Variants in SUPT3H observed in about 807,000 individuals in gnomAD.
The protein encoded by SUPT3H is transcription initiation protein SPT3 homolog.
In SUPT3H, 44 loss-of-function variants were observed where a neutral mutation model predicts 44.3. That is an observed-to-expected ratio of 0.99 (90% CI 0.78 to 1.28). The LOEUF is 1.28. Among genes scored for constraint, SUPT3H ranks in the 50% most tolerant of loss-of-function variants. The pLI, the probability that SUPT3H is intolerant of heterozygous loss-of-function variation, is 0.00. For missense variants in SUPT3H, 380 were observed against 387.1 expected, an observed-to-expected ratio of 0.98 and a Z score of 0.15; for synonymous variants, 124 against 125.6, an observed-to-expected ratio of 0.99 and a Z score of 0.09.
intron 10 of SUPT3H, among the ~76,000 whole-genome samples, chr6:44,841,796 T>A (rs1435602599): frequency 1.3e-5 from 2 of 152,240 alleles, no homozygotes; most frequent in African/African-American, 4.8e-5. Flanking sequence ...CTACTTTTGC[T>A]TATTCATTTG....
chr6:45,171,258 A>T (rs1583991728), intron 2 of SUPT3H, among the ~76,000 whole-genome samples: 3 of 152,326 alleles, frequency 2.0e-5, no homozygotes, highest in African/African-American at 7.2e-5. Context: ...TTATCAGAAG[A>T]TACATAAAAT....
chr6:45,372,078 C>G, intron 1 of SUPT3H: 1 of 934,524 alleles, frequency 1.1e-6, no homozygotes, highest in Non-Finnish European at 1.3e-6. Flanking sequence ...GTGTATGTCA[C>G]AGTGAACTGT....
At chr6:44,978,845 C>G (rs1466800566) in intron 6 of SUPT3H, among the ~76,000 whole-genome samples, 3 of 152,130 alleles carry the variant, frequency 2.0e-5, no homozygotes, top group Non-Finnish European at 4.4e-5. Flanking sequence ...GTTTCATGAC[C>G]AGATTGCCCA....
At chr6:45,361,575 C>T (rs534872375) in intron 2 of SUPT3H, 3 of 152,298 alleles carry the variant, frequency 2.0e-5, no homozygotes, top group Admixed American at 2.0e-4. Context: ...AATTTACAGG[C>T]TGCTTGAGTT....
intron 10 of SUPT3H, among the ~76,000 whole-genome samples, chr6:44,847,993 G>A (rs1162589803): frequency 8.6e-5 from 10 of 116,876 alleles, no homozygotes; most frequent in African/African-American, 3.3e-4. Context: ...TTGAGATGGA[G>A]TCTGGCTCTG....
intron 2 of SUPT3H, among the ~76,000 whole-genome samples, chr6:45,282,385 C>G (rs1047513148): frequency 6.6e-6 from 1 of 152,038 alleles, no homozygotes; most frequent in South Asian, 2.1e-4. Flanking sequence ...GCAGAGAAGT[C>G]CTTAAAGGAC....
At chr6:45,242,254 GA>G (rs1432640893) in intron 2 of SUPT3H, among the ~76,000 whole-genome samples, 1 of 152,148 alleles carries the variant, frequency 6.6e-6, no homozygotes, top group African/African-American at 2.4e-5. Context: ...ACAGAATAAG[GA>G]CAGGGATAGA....
At chr6:44,811,297 G>A (rs538384711) in intron 11 of SUPT3H, among the ~76,000 whole-genome samples, 1 of 152,300 alleles carries the variant, frequency 6.6e-6, no homozygotes, top group East Asian at 1.9e-4. Context: ...AGGGGTTATG[G>A]GTTATTGGGA....
At chr6:44,904,852 C>G (rs1381050878) in intron 10 of SUPT3H, among the ~76,000 whole-genome samples, 1 of 152,130 alleles carries the variant, frequency 6.6e-6, no homozygotes, top group Non-Finnish European at 1.5e-5. Context: ...ACAGAGCCCT[C>G]AGAAATAATG....
At chr6:45,203,967 C>A (rs1231898207) in intron 2 of SUPT3H, among the ~76,000 whole-genome samples, 1 of 152,054 alleles carries the variant, frequency 6.6e-6, no homozygotes, top group African/African-American at 2.4e-5. Flanking sequence ...AGAAGGGCCA[C>A]CCAAACACAG....
At chr6:45,288,086 A>G (rs575320614) in intron 2 of SUPT3H, among the ~76,000 whole-genome samples, 22 of 152,226 alleles carry the variant, frequency 1.4e-4, no homozygotes, top group Non-Finnish European at 2.2e-4. Flanking sequence ...AACTTACCTA[A>G]TACTATTTTC....
chr6:45,268,446 T>G (rs577028791), intron 2 of SUPT3H, among the ~76,000 whole-genome samples: 30 of 151,886 alleles, frequency 2.0e-4, no homozygotes, highest in African/African-American at 6.5e-4. Flanking sequence ...CAACAGAAAA[T>G]CCTTAAAATA....
intron 2 of SUPT3H, among the ~76,000 whole-genome samples, chr6:45,150,707 A>G (rs1806788908): frequency 7.1e-6 from 1 of 140,880 alleles, no homozygotes; most frequent in Non-Finnish European, 1.5e-5. Flanking sequence ...TCTACTTATA[A>G]TCTTTATTCT....
At chr6:44,920,710 G>A (rs1198235949) in intron 10 of SUPT3H, among the ~76,000 whole-genome samples, 1 of 152,114 alleles carries the variant, frequency 6.6e-6, no homozygotes. Flanking sequence ...AAATCATAAA[G>A]TCTGGGTAAA....
At chr6:44,991,583 G>A (rs1034318139) in intron 6 of SUPT3H, among the ~76,000 whole-genome samples, 12 of 151,716 alleles carry the variant, frequency 7.9e-5, no homozygotes, top group African/African-American at 2.2e-4. Context: ...ACAGTGACAC[G>A]ACCTCAGCTC....
intron 2 of SUPT3H, among the ~76,000 whole-genome samples, chr6:45,131,032 T>C (rs376730004): frequency 1.3e-5 from 2 of 152,032 alleles, no homozygotes; most frequent in East Asian, 1.9e-4. Flanking sequence ...CACTTTTAAG[T>C]AGCAAGCAGG....
At chr6:45,352,763 A>G (rs7770401) in intron 2 of SUPT3H, among the ~76,000 whole-genome samples, 102,108 of 151,824 alleles carry the variant, frequency 0.67, 35,354 homozygotes, top group African/African-American at 0.84. Flanking sequence ...ATGTATTTAC[A>G]AAATAAAGAA....
At chr6:44,889,415 A>T (rs1762897614) in intron 10 of SUPT3H, among the ~76,000 whole-genome samples, 1 of 152,232 alleles carries the variant, frequency 6.6e-6, no homozygotes, top group Non-Finnish European at 1.5e-5. Context: ...GTACCAAAAC[A>T]GAGATATACA....
intron 2 of SUPT3H, among the ~76,000 whole-genome samples, chr6:45,245,727 A>T (rs77646796): frequency 4.0e-4 from 61 of 152,246 alleles, no homozygotes; most frequent in African/African-American, 1.4e-3. Context: ...GATATTGTGA[A>T]TAATGCTGCT....
Sources: allele counts gnomAD v4.1 joint callset (sites outside exome capture counted in the v4.1 genomes callset), GRCh38; gene constraint gnomAD v4.1.1; transcripts MANE v1.5; gene names NCBI Gene and HGNC (gene_info 2026-07-23, HGNC 2026-07-21).